The following SI variants were observed in gnomAD, a reference collection of about 807,000 sequenced individuals.
The protein encoded by SI is sucrase-isomaltase, intestinal.
Under a neutral mutation model 253.3 loss-of-function variants are expected in SI, and 235 were observed. The ratio of observed to expected loss-of-function variants is 0.93; its 90% CI spans 0.83 to 1.03. SI has a LOEUF of 1.03. Among genes scored for constraint, SI ranks in the 50% least tolerant of loss-of-function variants. The pLI, the probability that SI is intolerant of heterozygous loss-of-function variation, is 0.00. For missense variants in SI, 2,442 were observed against 2,211.1 expected (o/e 1.10, Z -2.09); for synonymous variants, 819 against 712.0 (o/e 1.15, Z -2.39).
chr3:165,042,946 AT>A, intron 17 of SI, 112 bp downstream of exon 17: 4 of 759,302 alleles, frequency 5.3e-6, no homozygotes, highest in Non-Finnish European at 9.4e-6. Context: ...ACAATGTCTT[AT>A]GAATTATGCT....
intron 12 of SI, among the ~76,000 whole-genome samples, chr3:165,056,766 G>A (rs1354190784): frequency 6.6e-6 from 1 of 152,098 alleles, no homozygotes; most frequent in Non-Finnish European, 1.5e-5. Flanking sequence ...GCATTATTGG[G>A]CTTGAGGTGC....
At chr3:165,075,059 A>G (rs971647301) in intron 2 of SI, among the ~76,000 whole-genome samples, 29 of 152,018 alleles carry the variant, frequency 1.9e-4, no homozygotes, top group African/African-American at 6.8e-4. Flanking sequence ...AAATTAGAGA[A>G]GAGGAAAGTA....
chr3:165,031,742 A>T (rs1196034187), intron 24 of SI, among the ~76,000 whole-genome samples: 1 of 150,882 alleles, frequency 6.6e-6, no homozygotes, highest in African/African-American at 2.4e-5. Flanking sequence ...ATAAATGGAG[A>T]AAAGATAAAT....
Position 164,981,428 on chromosome 3 carries a change from T to A in SI, c.5415+815A>T, listed in dbSNP as rs184209740. ...CCAAATGCATATATATATATTTTTT[T>A]AGGTTCAAGTTAGTCGAACATCTGA... On this transcript the variant is annotated intron_variant, in intron 47 of 47. Transcript: ENST00000264382. 8.4e-3 allele frequency among the ~76,000 whole-genome samples: 1,279 copies of A among 152,170 alleles called. 8 individuals carry two copies. The highest frequency in any genetic ancestry group is 0.029 in the African/African-American group (1,185 of 41,556).
chr3:165,041,453 G>A (rs1712828726), intron 17 of SI, among the ~76,000 whole-genome samples: 1 of 151,982 alleles, frequency 6.6e-6, no homozygotes, highest in Admixed American at 6.6e-5. Context: ...TGAAGGTGGA[G>A]GGTGCCTACC....
In SI at chr3:165,047,024, A is replaced by G; in HGVS notation, c.1716-12T>C. ...CTTTTTGTACAGCTCTAAAAATAAA[A>G]CCAAATTAACAAATACAATTTATTT... On this transcript the variant is annotated splice_polypyrimidine_tract_variant and intron_variant, in intron 15 of 47. Transcript: ENST00000264382. 1 of 1,540,604 alleles carries G rather than the reference A, an allele frequency of 6.5e-7. No homozygotes were observed. Among genetic ancestry groups the G allele is most frequent in the Non-Finnish European group, 8.9e-7 (1 of 1,123,232 alleles).
In SI at chr3:164,996,623, T is replaced by C. The variant is rs577327619; in HGVS notation, c.4604A>G (p.Asn1535Ser). The C allele has an allele frequency of 1.9e-6, 3 of 1,607,322 alleles. No homozygotes were observed. Among genetic ancestry groups the C allele is most frequent in the East Asian group, 4.5e-5 (2 of 44,690 alleles). Residue 1535 changes from asparagine (N) to serine (S), a missense_variant, in exon 40 of 48, where the codon AAC (asparagine) becomes AGC (serine). Transcript: ENST00000264382. ...YTGADICGFFNNSEYHLCTRW... is the reference protein window; with the variant it reads ...YTGADICGFFSNSEYHLCTRW... ...GGTACAGAGATGATATTCTGAGTTGTTGAAAAAACCACAGATGTCTGCTCC... is the reference window on the plus strand; with the variant it reads ...GGTACAGAGATGATATTCTGAGTTGCTGAAAAAACCACAGATGTCTGCTCC...
In SI at chr3:165,049,763, A is replaced by C. The variant is rs766393522; in HGVS notation, c.1597+28T>G. 3 of 1,242,808 alleles carry C rather than the reference A, an allele frequency of 2.4e-6. No homozygotes were observed. In the Admixed American group the frequency reaches 5.1e-5, roughly 21 times the overall value. 77.0% of individuals were successfully genotyped at this position (1,242,808 alleles called of 1,614,324 possible). ...CTACAAAATTATTCTCAATTAAAAC[A>C]GTAATTAGATAACCAAATAAATTTT... On this transcript the variant is annotated intron_variant, in intron 14 of 47. Transcript: ENST00000264382.
chr3:165,032,684 T>C lies in SI; in HGVS notation c.2574A>G (p.Leu858=). The C allele has an allele frequency of 6.3e-7, 1 of 1,595,474 alleles. No individual in the cohort carries two copies. Among genetic ancestry groups the C allele is most frequent in the Non-Finnish European group, 8.6e-7 (1 of 1,165,066 alleles). Residue 858 remains leucine (L), a synonymous_variant, in exon 24 of 48, where the codon TTA becomes TTG. Transcript: ENST00000264382. ...ATGATGAATGTGTGCACACAATATC[T>C]AATGTGTTCTGAGAAAAATAGTATA... ...LYTFSVSNNT[L]DIVCTHSSYQ...
chr3:165,038,758 A>T, intron 20 of SI, among the ~76,000 whole-genome samples: 1 of 152,014 alleles, frequency 6.6e-6, no homozygotes, highest in Non-Finnish European at 1.5e-5. Context: ...TATGTAAAAT[A>T]GGAAAAAGCA....
chr3:164,990,428 T>G (rs1717676046), intron 44 of SI, among the ~76,000 whole-genome samples: 2 of 152,122 alleles, frequency 1.3e-5, no homozygotes, highest in Admixed American at 1.3e-4. Flanking sequence ...TTCATTTATA[T>G]TTTTATCTGG....
rs1182460693 is a variant in SI at position 165,062,472 on chromosome 3, G to C, written c.919C>G (p.Gln307Glu). 6.3e-7 allele frequency: 1 copy of C among 1,580,136 alleles called. No homozygotes were observed. The highest frequency in any genetic ancestry group is 8.7e-7 in the Non-Finnish European group (1 of 1,150,396). The change falls in exon 9 of 48, where the codon CAG becomes GAG. Residue 307 changes from glutamine to glutamate, a missense_variant. Physicochemically the swap from Gln to Glu is conservative, Grantham distance 29. Coordinates refer to ENST00000264382, the MANE Select transcript of SI (RefSeq NM_001041.4). ...CTATATGTTACTATTGGAGTAGGCTGGATAAAAATCTCTGCAAAATAAAAT... is the reference window on the plus strand; with the variant it reads ...CTATATGTTACTATTGGAGTAGGCTCGATAAAAATCTCTGCAAAATAAAAT... ...MNSNAMEIFI[Q>E]PTPIVTYRVT... is the part of the protein sequence containing the mutation.
intron 19 of SI, among the ~76,000 whole-genome samples, chr3:165,039,357 G>T (rs907197010): frequency 2.0e-5 from 3 of 151,960 alleles, no homozygotes; most frequent in South Asian, 2.1e-4. Context: ...AATTTAGATA[G>T]CAATTAAAAT....
intron 37 of SI, among the ~76,000 whole-genome samples, chr3:165,001,309 GA>G (rs1239597796): frequency 1.3e-5 from 2 of 151,276 alleles, no homozygotes; most frequent in Non-Finnish European, 3.0e-5. Context: ...TCATTTTCAT[GA>G]AAACAACTCT....
chr3:165,076,119 C>A (rs1329063625), intron 1 of SI, 107 bp from the exon 2 acceptor site: 1 of 827,530 alleles, frequency 1.2e-6, no homozygotes, highest in South Asian at 2.5e-5. Context: ...ATGTATAATG[C>A]AGAGTTGAAG....
chr3:165,027,500 A>G (rs1457244352), intron 25 of SI, among the ~76,000 whole-genome samples: 1 of 151,346 alleles, frequency 6.6e-6, no homozygotes, highest in Admixed American at 6.6e-5. Flanking sequence ...GGACATAACC[A>G]AAAAAGAAAA....
At chr3:165,051,140 A>T (rs1238640876) in intron 13 of SI, among the ~76,000 whole-genome samples, 1 of 152,088 alleles carries the variant, frequency 6.6e-6, no homozygotes, top group Non-Finnish European at 1.5e-5. Context: ...AAGCTTCCAT[A>T]AATATTGAGT....
intron 47 of SI, among the ~76,000 whole-genome samples, chr3:164,980,206 G>T (rs1717114115): frequency 6.6e-6 from 1 of 151,770 alleles, no homozygotes. Context: ...CTTCCTTAAA[G>T]CACAGCACAT....
In SI at chr3:165,049,260, T is replaced by C. The variant is rs370900519; in HGVS notation, c.1598-16A>G. On this transcript the variant is annotated splice_polypyrimidine_tract_variant and intron_variant, in intron 14 of 47. Coordinates refer to ENST00000264382, the MANE Select transcript of SI (RefSeq NM_001041.4). ...TCAAGAATATCTTTGAGAAAATACA[T>C]AAGAAACATTTCTTATATTTTTCCA... 5 of 1,302,128 alleles carry C rather than the reference T, an allele frequency of 3.8e-6. No individual in the cohort carries two copies. Among genetic ancestry groups the C allele is most frequent in the Non-Finnish European group, 4.5e-6 (4 of 898,260 alleles). The allele number at this position is 1,302,128 out of a possible 1,614,324, so 80.7% of individuals were successfully genotyped here. A position where few individuals can be genotyped will look rare whatever the true frequency, so the allele number is the denominator to read the frequency against.
Sources: allele counts gnomAD v4.1 joint callset (sites outside exome capture counted in the v4.1 genomes callset), GRCh38; gene constraint gnomAD v4.1.1; transcripts MANE v1.5; gene names NCBI Gene and HGNC (gene_info 2026-07-23, HGNC 2026-07-21).